The following CNP variants were observed in gnomAD, a reference collection of about 807,000 sequenced individuals.
CNP encodes 2',3'-cyclic nucleotide 3' phosphodiesterase, also known as 2',3'-cyclic-nucleotide 3'-phosphodiesterase.
A neutral mutation model predicts 37.9 loss-of-function variants in CNP; 8 were observed. The observed-to-expected ratio is 0.21, with a 90% confidence interval of 0.12 to 0.38. The LOEUF (loss-of-function observed/expected upper bound fraction) is 0.38, where lower values mean the gene tolerates loss of function less well. Among genes scored for constraint, CNP ranks in the 10% least tolerant of loss-of-function variants. The pLI is 1.00. For synonymous variants in CNP, 237 were observed against 238.3 expected (o/e 0.99, Z 0.05); for missense variants, 457 against 551.0 (o/e 0.83, Z 1.71).
rs2050939707 is a variant in CNP at position 41,968,694 on chromosome 17, G to T, written c.630G>T (p.Leu210=). 6.2e-7 allele frequency: 1 copy of T among 1,613,560 alleles called. No homozygotes were observed. Among genetic ancestry groups the T allele is most frequent in the African/African-American group, 1.3e-5 (1 of 74,912 alleles). Reference sequence around the variant, plus strand: ...TCCGCAAAGCCGGCCAGGTCTTCCTGGAAGAGCTGGGGAACCACAAGGCCT... The same window carrying T: ...TCCGCAAAGCCGGCCAGGTCTTCCTTGAAGAGCTGGGGAACCACAAGGCCT... ...ETLRKAGQVF[L]EELGNHKAFK... The change falls in exon 2 of 4, where the codon CTG becomes CTT. Residue 210 remains leucine (L), a synonymous_variant. Coordinates refer to ENST00000393892, the MANE Select transcript of CNP (RefSeq NM_033133.5). The surrounding 1 kb of genome is among the most constrained non-coding windows in gnomAD (Gnocchi z 4.8).
chr17:41,967,020 A>T, intron 1 of CNP, 133 bp downstream of exon 1: 1 of 1,078,228 alleles, frequency 9.3e-7, no homozygotes, highest in Non-Finnish European at 1.2e-6. Context: ...CTTGGTACTC[A>T]GGGCGGCCCT....
In CNP at chr17:41,973,918, CAT is replaced by C. The variant is rs782436524; in HGVS notation, c.1263_1264del (p.Ile421MetfsTer45). On this transcript the variant is annotated frameshift_variant, in exon 4 of 4. Transcript: ENST00000393892. LOFTEE classifies it high-confidence loss of function. The part of the protein sequence containing the change: ...KGGALQSCTI[I>X] ...GGGGCGCCTTGCAGTCCTGCACCATCATATGAGTGTTCTCACCACCACTTATG... is the reference window on the plus strand; with the variant it reads ...GGGGCGCCTTGCAGTCCTGCACCATCATGAGTGTTCTCACCACCACTTATG... 2 of 1,521,980 alleles carry C rather than the reference CAT, an allele frequency of 1.3e-6. No homozygotes were observed. The highest frequency in any genetic ancestry group is 2.6e-5 in the South Asian group (2 of 77,170). The allele number at this position is 1,521,980 out of a possible 1,614,324, so 94.3% of individuals were successfully genotyped here. A position where few individuals can be genotyped will look rare whatever the true frequency, so the allele number is the denominator to read the frequency against.
chr17:41,974,142 C>T lies in CNP; in HGVS notation c.*218C>T, dbSNP rs1429129980. ...TCCCAACACAAGGTGGGCAGGGAGG[C>T]ACCATTCAGGAACCTGGACCAAAGC... On this transcript the variant is annotated 3_prime_UTR_variant, in exon 4 of 4. Transcript: ENST00000393892. The T allele has an allele frequency of 2.5e-5, 10 of 401,504 alleles. No individual in the cohort carries two copies. Among genetic ancestry groups the T allele is most frequent in the Admixed American group, 4.3e-5 (1 of 23,286 alleles). The allele number at this position is 401,504 out of a possible 1,614,324, so 24.9% of individuals were successfully genotyped here. A position where few individuals can be genotyped will look rare whatever the true frequency, so the allele number is the denominator to read the frequency against.
At position 41,968,310 on chromosome 17, in the gene CNP, G is replaced by A. The variant is rs782433665; in HGVS notation, c.246G>A (p.Ser82=). The change falls in exon 2 of 4, where the codon TCG becomes TCA. Residue 82 remains serine (S), a synonymous_variant. Transcript: ENST00000393892. The surrounding 1 kb of genome is among the most constrained non-coding windows in gnomAD (Gnocchi z 4.8). ...DKYRDGTKMV[S]ADAYKITPGA... is the part of the protein sequence containing the mutation. ...ACCGTGATGGCACCAAGATGGTGTC[G>A]GCTGACGCTTACAAGATCACCCCCG... The A allele has an allele frequency of 5.3e-5, 86 of 1,613,924 alleles. No individual in the cohort carries two copies. The highest frequency in any genetic ancestry group is 6.5e-5 in the Non-Finnish European group (77 of 1,179,986).
At chr17:41,970,429 T>C (rs2050969507) in intron 2 of CNP, 1 of 149,588 alleles carries the variant, frequency 6.7e-6, no homozygotes, top group Non-Finnish European at 1.5e-5. Flanking sequence ...GACGGGGGTC[T>C]TGCTCTGTCG....
intron 3 of CNP, 105 bp from the exon 4 acceptor site, chr17:41,973,370 T>G (rs1598105679): frequency 9.1e-7 from 1 of 1,094,198 alleles, no homozygotes. Context: ...TGCTCACTTC[T>G]GTTAGACTTC....
intron 3 of CNP, 74 bp from the exon 4 acceptor site, chr17:41,973,401 G>C (rs2051020468): frequency 1.4e-6 from 2 of 1,432,130 alleles, no homozygotes; most frequent in Admixed American, 3.7e-5. Context: ...CTCCAGGAGG[G>C]ACCCTCCCTG....
Position 41,968,137 on chromosome 17 carries a change from G to A in CNP, c.73G>A (p.Gly25Arg), listed in dbSNP as rs1217685824. 1 of 1,614,234 alleles carries A rather than the reference G, an allele frequency of 6.2e-7. No individual in the cohort carries two copies. Among genetic ancestry groups the A allele is most frequent in the Non-Finnish European group, 8.5e-7 (1 of 1,180,042 alleles). Residue 25 changes from glycine to arginine, a missense_variant, in exon 2 of 4, where the codon GGG (glycine) becomes AGG (arginine). This residue lies in a region of CNP where 166 missense variants were observed against 259.3 expected (regional missense o/e 0.64). Coordinates refer to ENST00000393892, the MANE Select transcript of CNP (RefSeq NM_033133.5). The surrounding 1 kb of genome is among the most constrained non-coding windows in gnomAD (Gnocchi z 4.8). Reference protein sequence around the residue: ...KIFFRKMSSSGAKDKPELQFP... With the variant: ...KIFFRKMSSSRAKDKPELQFP... ...CTTCTTCCGCAAGATGTCATCCTCA[G>A]GGGCCAAGGACAAGCCTGAGCTGCA...
chr17:41,969,867 T>G (rs1295509562), intron 2 of CNP, among the ~76,000 whole-genome samples: 1 of 152,174 alleles, frequency 6.6e-6, no homozygotes, highest in Non-Finnish European at 1.5e-5. Flanking sequence ...CCACCCCCAA[T>G]TTTAGATGAT....
rs2051039898 is a variant in CNP at position 41,974,249 on chromosome 17, A to C, written c.*325A>C. 3 of 190,540 alleles carry C rather than the reference A, an allele frequency of 1.6e-5. No individual in the cohort carries two copies. Among genetic ancestry groups the C allele is most frequent in the Non-Finnish European group, 3.2e-5 (3 of 93,240 alleles). 11.8% of individuals were successfully genotyped at this position (190,540 alleles called of 1,614,324 possible). ...TCCAGGTTCTGGTTAGCTCAGCCCCAGCCCAGCCCAGCTGCTCTGCCCAGA... is the reference window on the plus strand; with the variant it reads ...TCCAGGTTCTGGTTAGCTCAGCCCCCGCCCAGCCCAGCTGCTCTGCCCAGA... On this transcript the variant is annotated 3_prime_UTR_variant, in exon 4 of 4. Coordinates refer to ENST00000393892, the MANE Select transcript of CNP (RefSeq NM_033133.5).
Position 41,971,947 on chromosome 17 carries a change from G to A in CNP, c.732G>A (p.Lys244=). ...EKMDLVTYFG[K]RPPGVLHCTT... ...TGGACTTGGTCACCTACTTTGGAAA[G>A]AGACCCCCAGGCGTGCTGCATTGCA... Residue 244 remains lysine, a synonymous_variant, in exon 3 of 4, where the codon AAG becomes AAA. Transcript: ENST00000393892. 1 of 1,613,938 alleles carries A rather than the reference G, an allele frequency of 6.2e-7. No individual in the cohort carries two copies. The highest frequency in any genetic ancestry group is 8.5e-7 in the Non-Finnish European group (1 of 1,179,970).
chr17:41,970,432 C>T (rs1472599564), intron 2 of CNP: 1 of 142,788 alleles, frequency 7.0e-6, no homozygotes, highest in Admixed American at 7.2e-5. Flanking sequence ...GGGGGTCTTG[C>T]TCTGTCGCCC....
At position 41,968,199 on chromosome 17, in the gene CNP, G is replaced by A. The variant is rs372379354; in HGVS notation, c.135G>A (p.Thr45=). The A allele has an allele frequency of 3.7e-6, 6 of 1,614,106 alleles. No individual in the cohort carries two copies. The highest frequency in any genetic ancestry group is 2.7e-5 in the African/African-American group (2 of 74,938). The part of the protein sequence containing the change: ...PFLQDEDTVA[T]LLECKTLFIL... Reference sequence around the variant, plus strand: ...TTCAGGATGAGGACACAGTGGCCACGCTGCTAGAGTGCAAGACGCTCTTCA... The same window carrying A: ...TTCAGGATGAGGACACAGTGGCCACACTGCTAGAGTGCAAGACGCTCTTCA... The change falls in exon 2 of 4, where the codon ACG becomes ACA. Residue 45 remains threonine (T), a synonymous_variant. Coordinates refer to ENST00000393892, the MANE Select transcript of CNP (RefSeq NM_033133.5). The surrounding 1 kb of genome is among the most constrained non-coding windows in gnomAD (Gnocchi z 4.8).
In CNP at chr17:41,968,844, AGGCAGAGAGAGGCTCACCTCAGCGGG is replaced by A; in HGVS notation, c.676+110_676+135del. The A allele has an allele frequency of 7.6e-7, 1 of 1,307,310 alleles. No individual in the cohort carries two copies. The highest frequency in any genetic ancestry group is 1.5e-5 in the South Asian group (1 of 65,134). The allele number at this position is 1,307,310 out of a possible 1,614,324, so 81.0% of individuals were successfully genotyped here. On this transcript the variant is annotated intron_variant, in intron 2 of 3. Transcript: ENST00000393892. This position sits in a 1 kb window ranked among gnomAD's most constrained non-coding sequence, Gnocchi z 4.8. ...AAAGGATGGAGCACGAAGCAGCAGG[AGGCAGAGAGAGGCTCACCTCAGCGGG>A]GGCAGGGGCAAGCGGTGCGTCCCAG...
chr17:41,976,472 C>G lies in CNP; in HGVS notation c.*2548C>G. ...AAACATTTTATTCTCTTTTTTTTTTCTTTTTTAATAAAGTTAAACAGTAAA... is the reference window on the plus strand; with the variant it reads ...AAACATTTTATTCTCTTTTTTTTTTGTTTTTTAATAAAGTTAAACAGTAAA... On this transcript the variant is annotated 3_prime_UTR_variant, in exon 4 of 4. Transcript: ENST00000393892. 1 of 371,698 alleles carries G rather than the reference C, an allele frequency of 2.7e-6. No individual in the cohort carries two copies. Among genetic ancestry groups the G allele is most frequent in the Non-Finnish European group, 4.7e-6 (1 of 210,702 alleles). 23.0% of individuals were successfully genotyped at this position (371,698 alleles called of 1,614,324 possible). A position where few individuals can be genotyped will look rare whatever the true frequency, so the allele number is the denominator to read the frequency against.
In CNP at chr17:41,977,491, G is replaced by A. The variant is rs1431296827; in HGVS notation, c.*3567G>A. 1.0e-5 allele frequency: 6 copies of A among 574,430 alleles called. No homozygotes were observed. Among genetic ancestry groups the A allele is most frequent in the African/African-American group, 5.7e-5 (3 of 52,694 alleles). The allele number at this position is 574,430 out of a possible 1,614,324, so 35.6% of individuals were successfully genotyped here. A position where few individuals can be genotyped will look rare whatever the true frequency, so the allele number is the denominator to read the frequency against. On this transcript the variant is annotated 3_prime_UTR_variant, in exon 4 of 4. Coordinates refer to ENST00000393892, the MANE Select transcript of CNP (RefSeq NM_033133.5). ...CAAGTGAGCAAACCTGCCCCATCCC[G>A]TGCAAAACATGCTACCTGATCCCAC...
At chr17:41,969,744 C>T (rs919392050) in intron 2 of CNP, among the ~76,000 whole-genome samples, 1 of 152,098 alleles carries the variant, frequency 6.6e-6, no homozygotes, top group Non-Finnish European at 1.5e-5. Context: ...TTAGTAGAGA[C>T]GGAGTTTCAC....
At chr17:41,967,567 C>A in intron 1 of CNP, 1 of 736,108 alleles carries the variant, frequency 1.4e-6, no homozygotes, top group Non-Finnish European at 1.7e-6. Context: ...CCCCACCAGC[C>A]CTTCTGTGGG....
intron 3 of CNP, among the ~76,000 whole-genome samples, chr17:41,972,336 C>T (rs2051002355): frequency 6.6e-6 from 1 of 152,054 alleles, no homozygotes; most frequent in Non-Finnish European, 1.5e-5. Context: ...GCTCTGGTCT[C>T]TCTGAGCCTG....
Sources: allele counts gnomAD v4.1 joint callset (sites outside exome capture counted in the v4.1 genomes callset), GRCh38; gene constraint gnomAD v4.1.1; regional missense constraint gnomAD v4.1.1; non-coding constraint Gnocchi (gnomAD v3.1); transcripts MANE v1.5; gene names NCBI Gene and HGNC (gene_info 2026-07-23, HGNC 2026-07-21).